Variants in MAPK10 observed in about 807,000 individuals in gnomAD.
The protein encoded by MAPK10 is JNK3 alpha protein kinase.
MAPK10 carries 25 observed loss-of-function variants against 59.3 expected under a neutral mutation model. The observed-to-expected ratio is 0.42, with a 90% confidence interval of 0.31 to 0.59. MAPK10 has a LOEUF of 0.59. MAPK10 is among the 20% of genes least tolerant of loss of function. The pLI is 0.15. For missense variants in MAPK10, 351 were observed against 568.9 expected, an observed-to-expected ratio of 0.62 and a Z score of 3.90; for synonymous variants, 190 against 200.5, an observed-to-expected ratio of 0.95 and a Z score of 0.44.
At chr4:86,490,239 G>T (rs1482054045) in intron 1 of MAPK10, among the ~76,000 whole-genome samples, 1 of 152,042 alleles carries the variant, frequency 6.6e-6, no homozygotes, top group African/African-American at 2.4e-5. Flanking sequence ...AGTATCTTTG[G>T]TCTCCCTCCC....
At chr4:86,561,714 A>T (rs1760693923) in intron 1 of MAPK10, among the ~76,000 whole-genome samples, 1 of 152,258 alleles carries the variant, frequency 6.6e-6, no homozygotes, top group Admixed American at 6.5e-5. Flanking sequence ...GATGAAACAG[A>T]TAATTAAGGA....
intron 2 of MAPK10, among the ~76,000 whole-genome samples, chr4:86,236,194 G>A (rs2092210046): frequency 6.6e-6 from 1 of 151,950 alleles, no homozygotes; most frequent in Non-Finnish European, 1.5e-5. Flanking sequence ...TGATTATATT[G>A]GGCCCACTTA....
chr4:86,208,168 G>A (rs1312751926), intron 2 of MAPK10, among the ~76,000 whole-genome samples: 1 of 152,012 alleles, frequency 6.6e-6, no homozygotes, highest in Non-Finnish European at 1.5e-5. Flanking sequence ...GTACAAGGAG[G>A]AATTGGTACC....
intron 1 of MAPK10, among the ~76,000 whole-genome samples, chr4:86,410,877 G>C (rs959307053): frequency 2.6e-5 from 4 of 151,986 alleles, no homozygotes; most frequent in Admixed American, 6.6e-5. Context: ...TTTTCGGAAG[G>C]GTTTTTTTGT....
intron 2 of MAPK10, among the ~76,000 whole-genome samples, chr4:86,335,467 G>A (rs1242293864): frequency 6.6e-6 from 1 of 152,106 alleles, no homozygotes; most frequent in East Asian, 1.9e-4. Context: ...AAATAGAAAT[G>A]GCGGACTAAA....
chr4:86,456,138 C>T (rs1201875110), upstream of MAPK10, among the ~76,000 whole-genome samples: 2 of 152,006 alleles, frequency 1.3e-5, no homozygotes, highest in African/African-American at 2.4e-5. Flanking sequence ...CTTTCAAAAC[C>T]TCTGGGATAC....
At chr4:86,265,180 G>C (rs994305534) in intron 2 of MAPK10, among the ~76,000 whole-genome samples, 2 of 152,006 alleles carry the variant, frequency 1.3e-5, no homozygotes, top group African/African-American at 4.8e-5. Context: ...GGGATCCTGA[G>C]CCTGTTCAGA....
In MAPK10 at chr4:86,548,158, A is replaced by G. The variant is rs1759410173; in HGVS notation, c.-263+45752T>C. On this transcript the variant is annotated intron_variant, in intron 1 of 4. Coordinates refer to the MAPK10 transcript ENST00000502302. ...TGTAACACTCACCGCGAAGGTCTGCAGCTTCACTCCTGAAGCCAGCGAGAC... is the reference window on the plus strand; with the variant it reads ...TGTAACACTCACCGCGAAGGTCTGCGGCTTCACTCCTGAAGCCAGCGAGAC... Among the ~76,000 whole-genome samples, 5 of 152,126 alleles carry G rather than the reference A, an allele frequency of 3.3e-5. No individual in the cohort carries two copies. The South Asian group carries it at 1.0e-3, about 32-fold the overall frequency.
At chr4:86,183,857 T>C (rs551091526) in intron 3 of MAPK10, among the ~76,000 whole-genome samples, 39 of 152,318 alleles carry the variant, frequency 2.6e-4, no homozygotes, top group African/African-American at 8.4e-4. Context: ...CAGTATCTCA[T>C]TGTGGTTTTG....
At chr4:86,075,692 C>T (rs2049172514) in intron 9 of MAPK10, among the ~76,000 whole-genome samples, 2 of 151,958 alleles carry the variant, frequency 1.3e-5, no homozygotes, top group South Asian at 4.2e-4. Context: ...GGATGCCTCC[C>T]AGTTAGACTT....
intron 1 of MAPK10, among the ~76,000 whole-genome samples, chr4:86,552,086 G>A (rs1165017527): frequency 6.6e-6 from 1 of 151,770 alleles, no homozygotes; most frequent in Non-Finnish European, 1.5e-5. Context: ...AAGAAACAAA[G>A]ATGAGAAAAT....
At chr4:86,187,857 T>A (rs1344101400) in intron 3 of MAPK10, among the ~76,000 whole-genome samples, 7 of 152,144 alleles carry the variant, frequency 4.6e-5, no homozygotes, top group Non-Finnish European at 7.3e-5. Context: ...CCATGGTGGT[T>A]TGCTGCACCC....
At chr4:86,296,341 T>G (rs114687537) in intron 2 of MAPK10, among the ~76,000 whole-genome samples, 1 of 152,082 alleles carries the variant, frequency 6.6e-6, no homozygotes, top group African/African-American at 2.4e-5. Context: ...TCAGAAGTGG[T>G]AGGGAAGAAC....
At chr4:86,256,675 C>G (rs2093725950) in intron 2 of MAPK10, among the ~76,000 whole-genome samples, 1 of 150,134 alleles carries the variant, frequency 6.7e-6, no homozygotes, top group Non-Finnish European at 1.5e-5. Context: ...ACTCAACACA[C>G]TTCTTTCCAA....
chr4:86,582,051 T>C (rs1254226317), intron 1 of MAPK10, among the ~76,000 whole-genome samples: 1 of 150,792 alleles, frequency 6.6e-6, no homozygotes, highest in African/African-American at 2.4e-5. Flanking sequence ...CCAAGTGTAA[T>C]AGGAATTCTC....
At chr4:86,211,030 T>C (rs1402664346) in intron 2 of MAPK10, among the ~76,000 whole-genome samples, 2 of 142,878 alleles carry the variant, frequency 1.4e-5, no homozygotes, top group Non-Finnish European at 3.2e-5. Flanking sequence ...ATAAAAATTA[T>C]TAATTATGAA....
intron 4 of MAPK10, among the ~76,000 whole-genome samples, chr4:86,157,273 G>T (rs1205577554): frequency 1.3e-5 from 2 of 151,854 alleles, no homozygotes. Flanking sequence ...TGACATAATA[G>T]GTATCCATAT....
chr4:86,262,138 A>G (rs895105632), intron 2 of MAPK10, among the ~76,000 whole-genome samples: 4 of 152,216 alleles, frequency 2.6e-5, no homozygotes, highest in African/African-American at 9.6e-5. Context: ...AGTGTTGAGA[A>G]GTGGGACTTT....
chr4:86,503,749 T>TA (rs986421836), intron 1 of MAPK10, among the ~76,000 whole-genome samples: 1 of 152,250 alleles, frequency 6.6e-6, no homozygotes, highest in Admixed American at 6.5e-5. Flanking sequence ...AATGGCTTTT[T>TA]AAAAAATCTC....
Sources: allele counts gnomAD v4.1 joint callset (sites outside exome capture counted in the v4.1 genomes callset), GRCh38; gene constraint gnomAD v4.1.1; transcripts MANE v1.5; gene names NCBI Gene and HGNC (gene_info 2026-07-23, HGNC 2026-07-21).